Variants in KSR2 observed in about 807,000 individuals in gnomAD.
KSR2 encodes the protein kinase suppressor of ras 2.
In KSR2, 25 loss-of-function variants were observed where a neutral mutation model predicts 107.8. The observed-to-expected ratio is 0.23, with a 90% CI of 0.17 to 0.32. The LOEUF (loss-of-function observed/expected upper bound fraction) is 0.32. Ranked by LOEUF, KSR2 falls within the 10% of genes least tolerant of loss-of-function variation. The pLI, the probability that KSR2 is intolerant of heterozygous loss-of-function variation, is 1.00. For missense variants in KSR2, 887 were observed against 1,268.9 expected (o/e 0.70, Z 4.57); for synonymous variants, 480 against 507.0 (o/e 0.95, Z 0.71).
intron 4 of KSR2, among the ~76,000 whole-genome samples, chr12:117,686,929 T>C (rs887784322): frequency 6.6e-6 from 1 of 152,122 alleles, no homozygotes; most frequent in African/African-American, 2.4e-5. Context: ...TATCTACCAG[T>C]TCCTGAGGGC....
chr12:117,812,487 C>T (rs1022798751), intron 3 of KSR2, among the ~76,000 whole-genome samples: 21 of 152,088 alleles, frequency 1.4e-4, no homozygotes, highest in African/African-American at 5.1e-4. Flanking sequence ...AGAGCCAAGT[C>T]CAATTCATTC....
At chr12:117,613,263 T>C (rs1403424451) in intron 5 of KSR2, among the ~76,000 whole-genome samples, 4 of 152,208 alleles carry the variant, frequency 2.6e-5, no homozygotes, top group South Asian at 2.1e-4. Context: ...TATATGCACA[T>C]ACATTTTGAC....
Position 117,886,871 on chromosome 12 carries a change from TA to T in KSR2, c.181-26441del, listed in dbSNP as rs966997970. ...CATGTGCATGTATTACCTGGCTTAT[TA>T]AAAAAAATAGTCTTCCCCTATGAAA... On this transcript the variant is annotated intron_variant, in intron 1 of 19. Transcript: ENST00000339824. Among the ~76,000 whole-genome samples the T allele has an allele frequency of 7.2e-5, 11 of 152,020 alleles. No homozygotes were observed. In the East Asian group the frequency reaches 1.5e-3, roughly 21 times the overall value.
chr12:117,646,174 A>G lies in KSR2; in HGVS notation c.1171+21300T>C, dbSNP rs547890331. Reference sequence around the variant, plus strand: ...AAGTCAGTACATGTTCAGTACAGACATAATTATCCATGATTTTTCAAATAT... The same window carrying G: ...AAGTCAGTACATGTTCAGTACAGACGTAATTATCCATGATTTTTCAAATAT... On this transcript the variant is annotated intron_variant, in intron 5 of 19. Coordinates refer to ENST00000339824, the MANE Select transcript of KSR2 (RefSeq NM_173598.6). Among the ~76,000 whole-genome samples the G allele has an allele frequency of 3.9e-5, 6 of 152,336 alleles. No homozygotes were observed. In the South Asian group the frequency reaches 1.2e-3, roughly 32 times the overall value.
In KSR2 at chr12:117,460,437, G is replaced by A. The variant is rs1233438202; in HGVS notation, c.*6762C>T. 1 of 152,248 alleles carries A rather than the reference G, an allele frequency of 6.6e-6. No individual in the cohort carries two copies. The highest frequency in any genetic ancestry group is 1.5e-5 in the Non-Finnish European group (1 of 68,104). 9.4% of individuals were successfully genotyped at this position (152,248 alleles called of 1,614,324 possible). A position where few individuals can be genotyped will look rare whatever the true frequency, so the allele number is the denominator to read the frequency against. Reference sequence around the variant, plus strand: ...AGAGACGGAGGGGATAGGAAGCCTGGAGCAGGGATACTGGAGGGACCCAGG... The same window carrying A: ...AGAGACGGAGGGGATAGGAAGCCTGAAGCAGGGATACTGGAGGGACCCAGG... On this transcript the variant is annotated 3_prime_UTR_variant, in exon 20 of 20. Transcript: ENST00000339824.
intron 1 of KSR2, among the ~76,000 whole-genome samples, chr12:117,871,701 T>G (rs977646239): frequency 1.5e-4 from 14 of 95,088 alleles, no homozygotes; most frequent in East Asian, 2.9e-4. Context: ...TAGATAGATA[T>G]ATATATTTGC....
chr12:117,613,524 A>G (rs59519327), intron 5 of KSR2, among the ~76,000 whole-genome samples: 5,529 of 152,246 alleles, frequency 0.036, 173 homozygotes, highest in East Asian at 0.17. Flanking sequence ...CAGATGAAAC[A>G]TGAGACCACA....
chr12:117,881,366 C>T (rs1894022552), intron 1 of KSR2, among the ~76,000 whole-genome samples: 1 of 152,284 alleles, frequency 6.6e-6, no homozygotes, highest in Admixed American at 6.5e-5. Context: ...CCGGCCACTC[C>T]AACCAGCTGC....
intron 14 of KSR2, among the ~76,000 whole-genome samples, chr12:117,521,602 A>G (rs577363035): frequency 1.3e-5 from 2 of 152,268 alleles, no homozygotes; most frequent in Non-Finnish European, 2.9e-5. Flanking sequence ...CCCAAGAGCC[A>G]CACATATTGC....
At chr12:117,833,387 G>C (rs1048655803) in intron 3 of KSR2, among the ~76,000 whole-genome samples, 12 of 152,128 alleles carry the variant, frequency 7.9e-5, no homozygotes, top group African/African-American at 2.7e-4. Context: ...CTTAGAGACA[G>C]GGTCCTGCTC....
intron 14 of KSR2, among the ~76,000 whole-genome samples, chr12:117,515,123 C>A (rs114342727): frequency 6.6e-6 from 1 of 152,170 alleles, no homozygotes; most frequent in African/African-American, 2.4e-5. Flanking sequence ...AGCTCCATGA[C>A]GGGCAGACAT....
intron 1 of KSR2, among the ~76,000 whole-genome samples, chr12:117,929,146 A>G (rs967228052): frequency 5.3e-5 from 8 of 152,214 alleles, no homozygotes; most frequent in Non-Finnish European, 1.2e-4. Context: ...TCAGGTTAGA[A>G]ACAGCATTAA....
At chr12:117,667,448 C>A in intron 5 of KSR2, 26 bp downstream of exon 5, 1 of 1,599,342 alleles carries the variant, frequency 6.3e-7, no homozygotes, top group South Asian at 1.1e-5. Context: ...CAAGCGTTCC[C>A]AGTGCAGCCC....
At chr12:117,536,813 C>T (rs1876085667) in intron 10 of KSR2, among the ~76,000 whole-genome samples, 1 of 152,204 alleles carries the variant, frequency 6.6e-6, no homozygotes, top group South Asian at 2.1e-4. Context: ...TTTCAGTTTT[C>T]ACTGTTACAG....
At chr12:117,837,979 C>T (rs998388427) in intron 3 of KSR2, among the ~76,000 whole-genome samples, 1 of 151,686 alleles carries the variant, frequency 6.6e-6, no homozygotes, top group Non-Finnish European at 1.5e-5. Flanking sequence ...TGAATCCCAT[C>T]AGGATGGTGG....
chr12:117,770,026 C>T (rs1889379980), intron 3 of KSR2, among the ~76,000 whole-genome samples: 1 of 151,244 alleles, frequency 6.6e-6, no homozygotes, highest in Non-Finnish European at 1.5e-5. Context: ...TGCACTCCAG[C>T]CTGGATGACA....
chr12:117,880,657 C>T (rs1025930977), intron 1 of KSR2, among the ~76,000 whole-genome samples: 1 of 151,390 alleles, frequency 6.6e-6, no homozygotes, highest in East Asian at 1.9e-4. Flanking sequence ...CGGAGGAAGC[C>T]GTAAACATCC....
chr12:117,595,573 C>T (rs1441939173), intron 5 of KSR2, among the ~76,000 whole-genome samples: 5 of 152,028 alleles, frequency 3.3e-5, no homozygotes, highest in African/African-American at 1.2e-4. Context: ...CCTTGTTAGC[C>T]AGGATGGTCT....
chr12:117,740,454 GTACATATATTATATGTAA>G (rs1888145092), intron 4 of KSR2, among the ~76,000 whole-genome samples: 5 of 85,142 alleles, frequency 5.9e-5, no homozygotes, highest in Non-Finnish European at 1.3e-4. Context: ...TATGTATATA[GTACATATATTATATGTAA>G]TATATAACAT....
Sources: allele counts gnomAD v4.1 joint callset (sites outside exome capture counted in the v4.1 genomes callset), GRCh38; gene constraint gnomAD v4.1.1; transcripts MANE v1.5; gene names NCBI Gene and HGNC (gene_info 2026-07-23, HGNC 2026-07-21).